SEMA3C: variants seen among roughly 807,000 people sequenced by gnomAD.
The protein encoded by SEMA3C is semaphorin-3C.
Under a neutral mutation model 89.4 loss-of-function variants are expected in SEMA3C, and 47 were observed. The observed-to-expected ratio is 0.53, with a 90% CI of 0.42 to 0.67. SEMA3C has a LOEUF of 0.67. Ranked by LOEUF, SEMA3C falls within the 30% of genes least tolerant of loss-of-function variation. The probability of loss-of-function intolerance (pLI) is 0.00; values close to 1 mark genes in which losing one functional copy is unlikely to be tolerated. For missense variants in SEMA3C, 839 were observed against 929.1 expected, an observed-to-expected ratio of 0.90 and a Z score of 1.26; for synonymous variants, 310 against 320.2, an observed-to-expected ratio of 0.97 and a Z score of 0.34.
chr7:80,759,953 A>G (rs1043649641), intron 14 of SEMA3C, among the ~76,000 whole-genome samples: 2 of 152,234 alleles, frequency 1.3e-5, no homozygotes, highest in African/African-American at 4.8e-5. Flanking sequence ...TGTAGGACAC[A>G]GGTAGTTTCA....
At chr7:80,913,220 G>A (rs1792193910) in intron 2 of SEMA3C, among the ~76,000 whole-genome samples, 1 of 152,126 alleles carries the variant, frequency 6.6e-6, no homozygotes, top group African/African-American at 2.4e-5. Context: ...GGCCAACGTG[G>A]TGAAACCCTG....
intron 2 of SEMA3C, among the ~76,000 whole-genome samples, chr7:80,889,916 C>T (rs1583982661): frequency 1.3e-5 from 2 of 152,036 alleles, no homozygotes; most frequent in East Asian, 3.9e-4. Context: ...TATCTTTAAG[C>T]AAATTAGTCA....
intron 2 of SEMA3C, among the ~76,000 whole-genome samples, chr7:80,891,183 G>T (rs906209140): frequency 6.6e-6 from 1 of 152,128 alleles, no homozygotes; most frequent in Non-Finnish European, 1.5e-5. Flanking sequence ...AGCATTTTGT[G>T]ATATTTGGTT....
At chr7:80,754,966 T>TTGTTTTTTTTTGTTTTTTTTTG (rs1554359516) in intron 15 of SEMA3C, among the ~76,000 whole-genome samples, 8 of 139,096 alleles carry the variant, frequency 5.8e-5, no homozygotes, top group South Asian at 4.8e-4. Context: ...TGTTTTTTTT[T>TTGTTTTTTTTTGTTTTTTTTTG]TTTTTGTATT....
At chr7:80,784,527 A>T (rs1259991774) in intron 12 of SEMA3C, among the ~76,000 whole-genome samples, 1 of 152,162 alleles carries the variant, frequency 6.6e-6, no homozygotes, top group East Asian at 1.9e-4. Flanking sequence ...ACTGTATTAT[A>T]TCTACATATT....
intron 5 of SEMA3C, among the ~76,000 whole-genome samples, chr7:80,810,915 T>G (rs1789453062): frequency 6.6e-6 from 1 of 152,246 alleles, no homozygotes; most frequent in South Asian, 2.1e-4. Context: ...CCTCTTTCTA[T>G]TGCACTCCCC....
intron 2 of SEMA3C, among the ~76,000 whole-genome samples, chr7:80,863,675 A>G (rs1790830974): frequency 7.0e-6 from 1 of 143,720 alleles, no homozygotes; most frequent in South Asian, 2.2e-4. Flanking sequence ...ATATATATAC[A>G]CACATATATA....
At chr7:80,880,867 G>C (rs1791318771) in intron 2 of SEMA3C, among the ~76,000 whole-genome samples, 1 of 152,166 alleles carries the variant, frequency 6.6e-6, no homozygotes, top group Admixed American at 6.5e-5. Context: ...GAAGGCTGCA[G>C]TGAGCTGAGA....
intron 2 of SEMA3C, among the ~76,000 whole-genome samples, chr7:80,879,942 G>A (rs1791294635): frequency 6.6e-6 from 1 of 152,026 alleles, no homozygotes; most frequent in Non-Finnish European, 1.5e-5. Flanking sequence ...ACCCATCACG[G>A]TACCAACGAA....
At chr7:80,768,790 GT>G in intron 12 of SEMA3C, among the ~76,000 whole-genome samples, 1 of 151,788 alleles carries the variant, frequency 6.6e-6, no homozygotes, top group Admixed American at 6.6e-5. Flanking sequence ...CAAGATTTGT[GT>G]GTGTGTGTGT....
chr7:80,773,054 G>C (rs1788469295), intron 12 of SEMA3C, among the ~76,000 whole-genome samples: 1 of 152,138 alleles, frequency 6.6e-6, no homozygotes, highest in Admixed American at 6.5e-5. Context: ...GAGAAAAACA[G>C]TATAATTTTT....
At chr7:80,881,855 C>T (rs1791349232) in intron 2 of SEMA3C, among the ~76,000 whole-genome samples, 1 of 152,120 alleles carries the variant, frequency 6.6e-6, no homozygotes, top group African/African-American at 2.4e-5. Context: ...AGAAAGCTTG[C>T]TGAGTGTCAT....
intron 11 of SEMA3C, among the ~76,000 whole-genome samples, chr7:80,790,678 A>G (rs1363092954): frequency 6.6e-6 from 1 of 152,184 alleles, no homozygotes; most frequent in Non-Finnish European, 1.5e-5. Context: ...GCTTCTTGAA[A>G]GTGATGACAT....
At position 80,802,648 on chromosome 7, in the gene SEMA3C, A is replaced by G. The variant is rs1367004859; in HGVS notation, c.916+17T>C. 2.6e-6 allele frequency: 4 copies of G among 1,538,700 alleles called. No individual in the cohort carries two copies. The highest frequency in any genetic ancestry group is 3.6e-6 in the Non-Finnish European group (4 of 1,116,494). ...AGCCTTCTTTCAGAAGCATTTTTCAATCTCATATGTATGTACCTAATTCAT... is the reference window on the plus strand; with the variant it reads ...AGCCTTCTTTCAGAAGCATTTTTCAGTCTCATATGTATGTACCTAATTCAT... On this transcript the variant is annotated intron_variant, in intron 9 of 17. Transcript: ENST00000265361.
Position 80,916,655 on chromosome 7 carries a change from C to A in SEMA3C, c.103+24G>T, listed in dbSNP as rs768714318. 4 of 1,583,812 alleles carry A rather than the reference C, an allele frequency of 2.5e-6. No individual in the cohort carries two copies. The South Asian group carries it at 3.5e-5, about 14-fold the overall frequency. ...ACAAAACTTAAAATAACATTTTTCC[C>A]AGAGTGTTTATCAACTCTCTTACCA... On this transcript the variant is annotated intron_variant, in intron 2 of 17. Coordinates refer to ENST00000265361, the MANE Select transcript of SEMA3C (RefSeq NM_006379.5).
At chr7:80,888,487 G>T (rs970282390) in intron 2 of SEMA3C, among the ~76,000 whole-genome samples, 1 of 151,854 alleles carries the variant, frequency 6.6e-6, no homozygotes, top group Non-Finnish European at 1.5e-5. Flanking sequence ...TAAATAAATA[G>T]ATAATAATTA....
chr7:80,849,233 T>G (rs1052311333), intron 2 of SEMA3C, among the ~76,000 whole-genome samples: 6 of 152,310 alleles, frequency 3.9e-5, no homozygotes, highest in African/African-American at 1.4e-4. Flanking sequence ...TGACTTCATT[T>G]TATATAATTT....
At position 80,762,695 on chromosome 7, in the gene SEMA3C, C is replaced by A. The variant is rs183300260; in HGVS notation, c.1444-1038G>T. Among the ~76,000 whole-genome samples the A allele has an allele frequency of 1.9e-3, 295 of 152,154 alleles. 1 individual carries two copies. Among genetic ancestry groups the A allele is most frequent in the African/African-American group, 6.8e-3 (283 of 41,516 alleles). ...GAGTATGGTGGCGCATGCCTGTAAT[C>A]CCAGCTACTCAGAAGGATAAGGCAG... On this transcript the variant is annotated intron_variant, in intron 13 of 17. Coordinates refer to ENST00000265361, the MANE Select transcript of SEMA3C (RefSeq NM_006379.5).
chr7:80,916,715 A>T lies in SEMA3C; in HGVS notation c.67T>A (p.Ser23Thr). 5 of 1,613,764 alleles carry T rather than the reference A, an allele frequency of 3.1e-6. No homozygotes were observed. The highest frequency in any genetic ancestry group is 4.2e-6 in the Non-Finnish European group (5 of 1,179,842). ...FICSICVKGS[S>T]QPQARVYLTF... ...AAATAAACTCTTGCTTGGGGCTGGG[A>T]AGATCCTTTCACACAGATAGAACAA... is the stretch of plus-strand genomic sequence containing the variant. Residue 23 changes from serine to threonine, a missense_variant, in exon 2 of 18, where the codon TCC becomes ACC. Coordinates refer to ENST00000265361, the MANE Select transcript of SEMA3C (RefSeq NM_006379.5).
Sources: gnomAD v4.1 joint callset for allele counts (sites outside exome capture counted in the v4.1 genomes callset) on GRCh38, gnomAD v4.1.1 for gene constraint, MANE v1.5 for transcripts, NCBI Gene and HGNC (gene_info 2026-07-23, HGNC 2026-07-21) for gene names.